The following TAFA4 variants were observed in gnomAD, a reference collection of about 807,000 sequenced individuals.
The protein encoded by TAFA4 is TAFA chemokine like family member 4.
Under a neutral mutation model 21.1 loss-of-function variants are expected in TAFA4, and 20 were observed. That is an observed-to-expected ratio of 0.95 (90% CI 0.67 to 1.38). TAFA4 has a LOEUF of 1.38. Among genes scored for constraint, TAFA4 ranks in the 40% most tolerant of loss-of-function variants. The pLI, the probability that TAFA4 is intolerant of heterozygous loss-of-function variation, is 0.00. For missense variants in TAFA4, 211 were observed against 180.9 expected (o/e 1.17, Z -0.95); for synonymous variants, 71 against 67.4 (o/e 1.05, Z -0.26).
chr3:68,746,345 A>C (rs1342672251), intron 4 of TAFA4, among the ~76,000 whole-genome samples: 1 of 151,962 alleles, frequency 6.6e-6, no homozygotes, highest in Non-Finnish European at 1.5e-5. Flanking sequence ...TCATATATAC[A>C]TCTATCCTAT....
At chr3:68,791,529 C>A (rs1007253525) in intron 3 of TAFA4, among the ~76,000 whole-genome samples, 4 of 152,166 alleles carry the variant, frequency 2.6e-5, no homozygotes, top group African/African-American at 9.7e-5. Flanking sequence ...TTGTCTTAAG[C>A]CACCCAGCTG....
In TAFA4 at chr3:68,910,458, T is replaced by C. The variant is rs569562876; in HGVS notation, c.-123+21782A>G. 1.6e-4 allele frequency among the ~76,000 whole-genome samples: 24 copies of C among 152,316 alleles called. No individual in the cohort carries two copies. In the East Asian group the frequency reaches 3.3e-3, roughly 21 times the overall value. ...AGTCAGGTCTGTCTCCTCAATGGCATTGAAACCTCACAACAACAAATATAG... is the reference window on the plus strand; with the variant it reads ...AGTCAGGTCTGTCTCCTCAATGGCACTGAAACCTCACAACAACAAATATAG... On this transcript the variant is annotated intron_variant, in intron 1 of 5. Coordinates refer to ENST00000295569, the MANE Select transcript of TAFA4 (RefSeq NM_182522.5).
chr3:68,897,731 A>G (rs1242175449), intron 1 of TAFA4, among the ~76,000 whole-genome samples: 1 of 152,206 alleles, frequency 6.6e-6, no homozygotes, highest in East Asian at 1.9e-4. Context: ...ATAAATGAAT[A>G]TATCAACAAG....
intron 3 of TAFA4, among the ~76,000 whole-genome samples, chr3:68,840,169 A>G (rs1704625144): frequency 6.6e-6 from 1 of 152,162 alleles, no homozygotes; most frequent in Non-Finnish European, 1.5e-5. Context: ...CTGGACAGAA[A>G]TCAAGGTGTT....
At chr3:68,733,341 T>C (rs922021122) in intron 5 of TAFA4, among the ~76,000 whole-genome samples, 188 bp from the exon 6 acceptor site, 1 of 152,138 alleles carries the variant, frequency 6.6e-6, no homozygotes, top group Non-Finnish European at 1.5e-5. Flanking sequence ...ATATAAAGAA[T>C]ACATGCACAA....
At chr3:68,895,067 G>A (rs758391454) in intron 1 of TAFA4, among the ~76,000 whole-genome samples, 8 of 151,558 alleles carry the variant, frequency 5.3e-5, no homozygotes, top group Non-Finnish European at 1.0e-4. Flanking sequence ...GCCCAGGCTC[G>A]GCTTACTGCA....
chr3:68,809,426 C>A (rs960449907), intron 3 of TAFA4, among the ~76,000 whole-genome samples: 1 of 151,732 alleles, frequency 6.6e-6, no homozygotes, highest in Non-Finnish European at 1.5e-5. Flanking sequence ...TAATTGGTTG[C>A]CAATATGATT....
At chr3:68,767,457 TAGAAAC>T (rs1350231423) in intron 3 of TAFA4, among the ~76,000 whole-genome samples, 4 of 152,112 alleles carry the variant, frequency 2.6e-5, no homozygotes, top group East Asian at 1.9e-4. Flanking sequence ...ATAAAGCAGT[TAGAAAC>T]AGAAAAACTA....
chr3:68,778,042 C>T (rs1036211862), intron 3 of TAFA4, among the ~76,000 whole-genome samples: 7 of 151,956 alleles, frequency 4.6e-5, no homozygotes, highest in Non-Finnish European at 8.8e-5. Context: ...TTCAATTTAC[C>T]CATATCAAAA....
At chr3:68,845,362 G>T (rs1704761276) in intron 3 of TAFA4, among the ~76,000 whole-genome samples, 1 of 151,634 alleles carries the variant, frequency 6.6e-6, no homozygotes, top group Non-Finnish European at 1.5e-5. Context: ...CATTTACTTG[G>T]TAAGTATTCT....
intron 3 of TAFA4, among the ~76,000 whole-genome samples, chr3:68,775,954 C>A (rs952909188): frequency 3.9e-5 from 6 of 152,158 alleles, no homozygotes; most frequent in African/African-American, 1.4e-4. Context: ...GACAATGGAG[C>A]AAGATCTTTG....
chr3:68,779,892 C>T (rs891338763), intron 3 of TAFA4, among the ~76,000 whole-genome samples: 6 of 152,272 alleles, frequency 3.9e-5, no homozygotes, highest in South Asian at 2.1e-4. Flanking sequence ...CAGCTTGCAC[C>T]GTGCTGCTGG....
intron 1 of TAFA4, among the ~76,000 whole-genome samples, chr3:68,921,720 G>C (rs890699381): frequency 6.6e-6 from 1 of 152,200 alleles, no homozygotes. Flanking sequence ...CGGAATTCCT[G>C]TATGTCACCT....
chr3:68,835,499 TAATA>T (rs1377178345), intron 3 of TAFA4, among the ~76,000 whole-genome samples: 2 of 152,214 alleles, frequency 1.3e-5, no homozygotes, highest in Admixed American at 6.5e-5. Flanking sequence ...CTAGAAGGCA[TAATA>T]AATAATACAT....
intron 3 of TAFA4, among the ~76,000 whole-genome samples, chr3:68,833,154 C>A (rs1264208396): frequency 6.6e-6 from 1 of 152,216 alleles, no homozygotes; most frequent in Non-Finnish European, 1.5e-5. Context: ...CAACCCTTTG[C>A]ACCTGGGTGA....
intron 1 of TAFA4, among the ~76,000 whole-genome samples, chr3:68,905,242 G>T (rs903019629): frequency 2.3e-5 from 3 of 133,214 alleles, no homozygotes; most frequent in African/African-American, 2.8e-5. Flanking sequence ...TGCAACCTCC[G>T]CCTCCCGCCT....
rs2089498134 is a variant in TAFA4, at chr3:68,872,729, ATACCAAGCTCT to A, written c.130+7990_130+8000del. ...GAAAATGCATTAAATTCCAGACATA[ATACCAAGCTCT>A]TTAGATAAATTGTCTCATTTCATGT... On this transcript the variant is annotated intron_variant, in intron 3 of 5. Coordinates refer to ENST00000295569, the MANE Select transcript of TAFA4 (RefSeq NM_182522.5). Among the ~76,000 whole-genome samples, 3 of 152,266 alleles carry A rather than the reference ATACCAAGCTCT, an allele frequency of 2.0e-5. No individual in the cohort carries two copies. The South Asian group carries it at 6.2e-4, about 32-fold the overall frequency.
chr3:68,906,664 G>T (rs141816005), intron 1 of TAFA4, among the ~76,000 whole-genome samples: 1 of 152,070 alleles, frequency 6.6e-6, no homozygotes, highest in Non-Finnish European at 1.5e-5. Flanking sequence ...TTTCCAAGGC[G>T]CTGGTGTTTT....
At chr3:68,768,528 C>T (rs1206207927) in intron 3 of TAFA4, among the ~76,000 whole-genome samples, 2 of 152,074 alleles carry the variant, frequency 1.3e-5, no homozygotes, top group Non-Finnish European at 2.9e-5. Context: ...ATTATGGAAA[C>T]CAGTATGGAG....
Sources: allele counts gnomAD v4.1 joint callset (sites outside exome capture counted in the v4.1 genomes callset), GRCh38; gene constraint gnomAD v4.1.1; transcripts MANE v1.5; gene names NCBI Gene and HGNC (gene_info 2026-07-23, HGNC 2026-07-21).